POGLUT1: variants seen among roughly 807,000 people sequenced by gnomAD.
POGLUT1 encodes the protein 9630046K23Rik.
POGLUT1 carries 32 observed loss-of-function variants against 61.3 expected under a neutral mutation model. The observed-to-expected ratio is 0.52, with a 90% confidence interval of 0.39 to 0.70. The LOEUF (loss-of-function observed/expected upper bound fraction) is 0.70. Ranked by LOEUF, POGLUT1 falls within the 30% of genes least tolerant of loss-of-function variation. POGLUT1 has a pLI of 0.00. For missense variants in POGLUT1, 411 were observed against 469.8 expected, an observed-to-expected ratio of 0.87 and a Z score of 1.16; for synonymous variants, 158 against 158.2, an observed-to-expected ratio of 1.00 and a Z score of 0.01.
intron 3 of POGLUT1, among the ~76,000 whole-genome samples, chr3:119,475,954 CCACA>C (rs539140166): frequency 0.011 from 1,380 of 130,926 alleles, 9 homozygotes; most frequent in African/African-American, 0.017. Context: ...GACTGTCTCT[CCACA>C]CACACACACA....
intron 3 of POGLUT1, among the ~76,000 whole-genome samples, chr3:119,473,235 TAGG>T (rs1382238158): frequency 6.6e-6 from 1 of 152,248 alleles, no homozygotes; most frequent in Non-Finnish European, 1.5e-5. Flanking sequence ...ATTGTGAGTC[TAGG>T]AGAATTTTTG....
At position 119,486,885 on chromosome 3, in the gene POGLUT1, C is replaced by T; in HGVS notation, c.691C>T (p.Leu231Phe). 6.2e-7 allele frequency: 1 copy of T among 1,613,888 alleles called. No homozygotes were observed. The highest frequency in any genetic ancestry group is 8.5e-7 in the Non-Finnish European group (1 of 1,179,786). The change falls in exon 7 of 11, where the codon CTT (leucine) becomes TTT (phenylalanine). Residue 231 changes from leucine to phenylalanine, a missense_variant. By Grantham distance (22) the Leu-to-Phe change is conservative (BLOSUM62 0). Transcript: ENST00000295588. Reference protein sequence around the residue: ...LILLSRKNPKLVDAEYTKNQA... With the variant: ...LILLSRKNPKFVDAEYTKNQA... ...TCTTCTGTCTCGGAAAAACCCAAAA[C>T]TTGTTGATGCAGAATACACCAAAAA...
rs370586978 is a variant in POGLUT1 at position 119,489,039 on chromosome 3, T to C, written c.797+52T>C. 16 of 1,023,126 alleles carry C rather than the reference T, an allele frequency of 1.6e-5. No homozygotes were observed. The African/African-American group carries it at 2.5e-4, about 16-fold the overall frequency. The allele number at this position is 1,023,126 out of a possible 1,614,324, so 63.4% of individuals were successfully genotyped here. ...CTTGGTTTCCATACTGCTTTTGAAA[T>C]AGCTTCACTTTGGGTGAGAACTTTA... On this transcript the variant is annotated intron_variant, in intron 8 of 10. Transcript: ENST00000295588.
chr3:119,473,602 G>A (rs1201828527), intron 3 of POGLUT1, among the ~76,000 whole-genome samples: 5 of 151,276 alleles, frequency 3.3e-5, no homozygotes, highest in Non-Finnish European at 5.9e-5. Flanking sequence ...GCACACAGTC[G>A]TATGATATCT....
At chr3:119,485,705 A>G (rs893874609) in intron 6 of POGLUT1, among the ~76,000 whole-genome samples, 1 of 152,186 alleles carries the variant, frequency 6.6e-6, no homozygotes, top group Non-Finnish European at 1.5e-5. Flanking sequence ...AGTCCCTAGG[A>G]GTAGCTTATG....
chr3:119,480,252 C>CTTTT, intron 5 of POGLUT1, 80 bp downstream of exon 5: 4 of 940,596 alleles, frequency 4.3e-6, no homozygotes, highest in Admixed American at 3.3e-5. Context: ...CAATTATTTA[C>CTTTT]TTTTTTTTTT....
intron 5 of POGLUT1, 62 bp from the exon 6 acceptor site, chr3:119,485,266 A>G (rs1021186510): frequency 9.7e-7 from 1 of 1,032,992 alleles, no homozygotes; most frequent in Non-Finnish European, 1.5e-6. Context: ...AGAAATGGTT[A>G]AAGCACATTC....
chr3:119,485,233 T>C (rs1400982600), intron 5 of POGLUT1, 95 bp from the exon 6 acceptor site: 1 of 770,748 alleles, frequency 1.3e-6, no homozygotes, highest in Non-Finnish European at 2.1e-6. Flanking sequence ...AAAAAAGAAA[T>C]ATGAAGCTCT....
Position 119,469,094 on chromosome 3 carries a change from CAGA to C in POGLUT1, c.76_78del (p.Lys26del). 1 of 1,605,952 alleles carries C rather than the reference CAGA, an allele frequency of 6.2e-7. No homozygotes were observed. Among genetic ancestry groups the C allele is most frequent in the Non-Finnish European group, 8.5e-7 (1 of 1,178,014 alleles). ...CCTCCTGCCCTCAGCGCAGGGCCGCCAGAAGGAGTCAGGTGGGCTCCGGGCAGT... is the reference window on the plus strand; with the variant it reads ...CCTCCTGCCCTCAGCGCAGGGCCGCCAGGAGTCAGGTGGGCTCCGGGCAGT... On this transcript the variant is annotated inframe_deletion, in exon 1 of 11. Transcript: ENST00000295588.
intron 3 of POGLUT1, among the ~76,000 whole-genome samples, chr3:119,474,930 A>T (rs2081518388): frequency 6.6e-6 from 1 of 151,980 alleles, no homozygotes; most frequent in Non-Finnish European, 1.5e-5. Flanking sequence ...GTACTGCAAT[A>T]TTTTTTTACA....
At chr3:119,477,270 G>A (rs2081548411) in intron 3 of POGLUT1, 43 bp from the exon 4 acceptor site, 1 of 1,605,480 alleles carries the variant, frequency 6.2e-7, no homozygotes, top group Non-Finnish European at 8.5e-7. Context: ...CCTAGAGCCT[G>A]CAGGCACTAC....
At chr3:119,490,257 T>A (rs1012064645) in intron 8 of POGLUT1, 2 of 350,880 alleles carry the variant, frequency 5.7e-6, no homozygotes, top group African/African-American at 4.1e-5. Context: ...TTCTGAGCCC[T>A]GTATACACTC....
chr3:119,472,125 G>A (rs2107705181), intron 3 of POGLUT1, among the ~76,000 whole-genome samples: 1 of 152,288 alleles, frequency 6.6e-6, no homozygotes, highest in South Asian at 2.1e-4. Context: ...TAAGCAGGGA[G>A]GGTCATGGGC....
chr3:119,474,018 A>G (rs970538857), intron 3 of POGLUT1, among the ~76,000 whole-genome samples: 4 of 151,808 alleles, frequency 2.6e-5, no homozygotes, highest in African/African-American at 9.6e-5. Flanking sequence ...AAAATAAAAT[A>G]TAAACTCCAC....
In POGLUT1 at chr3:119,469,064, T is replaced by G. The variant is rs1352634929; in HGVS notation, c.43T>G (p.Leu15Val). Residue 15 changes from leucine to valine, a missense_variant, in exon 1 of 11, where the codon TTG becomes GTG. Transcript: ENST00000295588. ...ASSPLRLWLL[L>V]FLLPSAQGRQ... Reference sequence around the variant, plus strand: ...CTCGCCGCTTCGGCTCTGGCTGCTGTTGTTCCTCCTGCCCTCAGCGCAGGG... The same window carrying G: ...CTCGCCGCTTCGGCTCTGGCTGCTGGTGTTCCTCCTGCCCTCAGCGCAGGG... The G allele has an allele frequency of 2.5e-6, 4 of 1,609,584 alleles. No individual in the cohort carries two copies. In the East Asian group the frequency reaches 8.9e-5, roughly 36 times the overall value.
chr3:119,478,618 T>C (rs1577080600), intron 4 of POGLUT1: 1 of 346,174 alleles, frequency 2.9e-6, no homozygotes, highest in East Asian at 7.6e-5. Context: ...CAAGGGAGAG[T>C]TTTACTCTGT....
chr3:119,470,056 A>G, intron 2 of POGLUT1, 146 bp downstream of exon 2: 1 of 625,258 alleles, frequency 1.6e-6, no homozygotes, highest in Non-Finnish European at 2.8e-6. Context: ...CTCGCATGGG[A>G]AAGGCTCAGG....
At chr3:119,469,246 C>G in intron 1 of POGLUT1, 140 bp downstream of exon 1, 1 of 683,180 alleles carries the variant, frequency 1.5e-6, no homozygotes. Context: ...ACCGGGGCGC[C>G]TTGCGGCGGA....
At chr3:119,491,113 T>C (rs2081738810) in intron 9 of POGLUT1, among the ~76,000 whole-genome samples, 1 of 150,824 alleles carries the variant, frequency 6.6e-6, no homozygotes, top group Non-Finnish European at 1.5e-5. Flanking sequence ...GGAAGAAGTA[T>C]AGAGAAGGGC....
Sources: gnomAD v4.1 joint callset for allele counts (sites outside exome capture counted in the v4.1 genomes callset) on GRCh38, gnomAD v4.1.1 for gene constraint, MANE v1.5 for transcripts, NCBI Gene and HGNC (gene_info 2026-07-23, HGNC 2026-07-21) for gene names.